EYS: variants seen among roughly 807,000 people sequenced by gnomAD.
The protein encoded by EYS is EGF-like photoreceptor maintenance factor.
Under a neutral mutation model 282.1 loss-of-function variants are expected in EYS, and 250 were observed. The ratio of observed to expected loss-of-function variants is 0.89; its 90% CI spans 0.80 to 0.98. EYS has a LOEUF of 0.98. Among genes scored for constraint, EYS ranks in the 50% least tolerant of loss-of-function variants. EYS has a pLI of 0.00. For missense variants in EYS, 4,016 were observed against 3,709.0 expected (o/e 1.08, Z -2.15); for synonymous variants, 1,355 against 1,282.9 (o/e 1.06, Z -1.20).
In EYS at chr6:63,721,459, A is replaced by T; in HGVS notation, c.8572T>A (p.Leu2858Ile). Reference protein sequence around the residue: ...IRQVIINNQELQLTEFGAKGG... With the variant: ...IRQVIINNQEIQLTEFGAKGG... ...TTTGCTCCAAATTCAGTTAATTGTA[A>T]TTCTTGATTATTTATGATAACTTGT... The change falls in exon 43 of 43, where the codon TTA becomes ATA. Residue 2858 changes from leucine (L) to isoleucine (I), a missense_variant. By Grantham distance (5) the Leu-to-Ile change is conservative. Transcript: ENST00000503581. 6.4e-7 allele frequency: 1 copy of T among 1,551,612 alleles called. No individual in the cohort carries two copies. Among genetic ancestry groups the T allele is most frequent in the East Asian group, 2.4e-5 (1 of 40,918 alleles).
intron 26 of EYS, among the ~76,000 whole-genome samples, chr6:64,505,694 A>G (rs1351776714): frequency 6.6e-6 from 1 of 152,198 alleles, no homozygotes; most frequent in Non-Finnish European, 1.5e-5. Flanking sequence ...AAAAAATGAT[A>G]TACATATCAA....
intron 30 of EYS, among the ~76,000 whole-genome samples, chr6:64,237,101 A>G (rs1766634173): frequency 6.6e-6 from 1 of 152,178 alleles, no homozygotes; most frequent in Admixed American, 6.5e-5. Flanking sequence ...ACTTATACCA[A>G]TAATTTCTTT....
chr6:63,972,693 C>T (rs1766642236), intron 35 of EYS, among the ~76,000 whole-genome samples: 1 of 152,062 alleles, frequency 6.6e-6, no homozygotes, highest in Non-Finnish European at 1.5e-5. Context: ...CTCCCTTAGC[C>T]CCCAACCCCC....
intron 15 of EYS, 38 bp from the exon 16 acceptor site, chr6:64,912,781 C>G (rs1046345172): frequency 1.3e-5 from 17 of 1,275,372 alleles, no homozygotes; most frequent in Non-Finnish European, 1.6e-5. Flanking sequence ...AGTGTGAACT[C>G]TTTTTCAAGT....
chr6:64,433,242 G>T (rs987801447), intron 28 of EYS, among the ~76,000 whole-genome samples: 29 of 151,912 alleles, frequency 1.9e-4, no homozygotes, highest in Non-Finnish European at 4.1e-4. Context: ...TCATATTCAA[G>T]AAGAAAGCCA....
Position 64,014,952 on chromosome 6 carries a change from T to C in EYS, c.6726-15769A>G, listed in dbSNP as rs1479527283. On this transcript the variant is annotated intron_variant, in intron 33 of 42. Transcript: ENST00000503581. ...TTTCAATTTGGAGATAACCAAGACA[T>C]GTAAACTTTTAGAAATTCAACCAAT... Among the ~76,000 whole-genome samples, 5 of 152,144 alleles carry C rather than the reference T, an allele frequency of 3.3e-5. No homozygotes were observed. The East Asian group carries it at 9.6e-4, about 29-fold the overall frequency.
intron 40 of EYS, among the ~76,000 whole-genome samples, chr6:63,767,525 A>G (rs1352857700): frequency 2.0e-5 from 3 of 152,090 alleles, no homozygotes; most frequent in Admixed American, 2.0e-4. Context: ...GGAACCAAGG[A>G]GGTGAAAGAT....
intron 12 of EYS, among the ~76,000 whole-genome samples, chr6:65,151,690 C>T (rs1394299616): frequency 4.0e-5 from 6 of 151,890 alleles, no homozygotes; most frequent in Admixed American, 3.3e-4. Context: ...TATACAAACA[C>T]ATATATATGC....
intron 13 of EYS, among the ~76,000 whole-genome samples, chr6:65,028,771 A>C (rs191430343): frequency 6.6e-6 from 1 of 152,178 alleles, no homozygotes; most frequent in East Asian, 1.9e-4. Flanking sequence ...TTAATGAATA[A>C]TTTTGTTATT....
chr6:64,609,164 ACT>A (rs951368892), intron 24 of EYS, among the ~76,000 whole-genome samples: 12 of 151,910 alleles, frequency 7.9e-5, no homozygotes, highest in African/African-American at 2.9e-4. Context: ...GTATATGAGA[ACT>A]CTCTGTATTT....
chr6:64,610,226 G>T (rs1767065794), intron 24 of EYS, among the ~76,000 whole-genome samples: 1 of 151,856 alleles, frequency 6.6e-6, no homozygotes, highest in South Asian at 2.1e-4. Flanking sequence ...GTCAATATAT[G>T]ACATTAAATA....
chr6:64,495,833 T>G, intron 26 of EYS, among the ~76,000 whole-genome samples: 1 of 148,720 alleles, frequency 6.7e-6, no homozygotes, highest in Admixed American at 6.9e-5. Context: ...TTCAATGAAC[T>G]TAATTAAATT....
chr6:63,871,895 C>T (rs1772815023), intron 35 of EYS, among the ~76,000 whole-genome samples: 1 of 152,086 alleles, frequency 6.6e-6, no homozygotes, highest in Admixed American at 6.5e-5. Flanking sequence ...GCGCAGGAAA[C>T]TCAGTGCTGC....
chr6:64,120,957 A>C (rs1315524132), intron 31 of EYS, among the ~76,000 whole-genome samples: 2 of 152,144 alleles, frequency 1.3e-5, no homozygotes, highest in African/African-American at 2.4e-5. Context: ...ATTTCCTTGC[A>C]TTTGTAGGAG....
intron 31 of EYS, among the ~76,000 whole-genome samples, chr6:64,089,393 A>G (rs1173202008): frequency 6.7e-6 from 1 of 149,756 alleles, no homozygotes; most frequent in African/African-American, 2.4e-5. Flanking sequence ...TTTAAATACT[A>G]TATATAAATA....
At chr6:65,658,531 A>T (rs1011516551) in intron 1 of EYS, among the ~76,000 whole-genome samples, 1 of 151,544 alleles carries the variant, frequency 6.6e-6, no homozygotes, top group African/African-American at 2.4e-5. Flanking sequence ...ATATTAATAA[A>T]CTCCCTGAAA....
chr6:63,960,146 A>T (rs1765996282), intron 35 of EYS, among the ~76,000 whole-genome samples: 1 of 152,218 alleles, frequency 6.6e-6, no homozygotes, highest in Non-Finnish European at 1.5e-5. Context: ...TAGATGCATT[A>T]AGAACATCCA....
intron 2 of EYS, among the ~76,000 whole-genome samples, chr6:65,563,118 T>C (rs892250652): frequency 6.6e-6 from 1 of 152,218 alleles, no homozygotes; most frequent in South Asian, 2.1e-4. Flanking sequence ...TCGAGAGAAT[T>C]TGAATAAATT....
chr6:64,653,201 G>A (rs1313658143), intron 22 of EYS, among the ~76,000 whole-genome samples: 4 of 152,124 alleles, frequency 2.6e-5, no homozygotes, highest in African/African-American at 7.2e-5. Flanking sequence ...AATGCCTGAT[G>A]CTACCAAAAG....
Sources: allele counts gnomAD v4.1 joint callset (sites outside exome capture counted in the v4.1 genomes callset), GRCh38; gene constraint gnomAD v4.1.1; transcripts MANE v1.5; gene names NCBI Gene and HGNC (gene_info 2026-07-23, HGNC 2026-07-21).